NAV2: variants seen among roughly 807,000 people sequenced by gnomAD.
NAV2 encodes the protein helicase, APC down-regulated 1.
Under a neutral mutation model 223.2 loss-of-function variants are expected in NAV2, and 54 were observed. The ratio of observed to expected loss-of-function variants is 0.24; its 90% CI spans 0.19 to 0.30. The LOEUF (loss-of-function observed/expected upper bound fraction) is 0.30. NAV2 is among the 10% of genes least tolerant of loss of function. The pLI, the probability that NAV2 is intolerant of heterozygous loss-of-function variation, is 1.00. For synonymous variants in NAV2, 1,279 were observed against 1,239.3 expected, an observed-to-expected ratio of 1.03 and a Z score of -0.67; for missense variants, 2,806 against 3,147.5, an observed-to-expected ratio of 0.89 and a Z score of 2.60.
rs1043711789 is a variant in NAV2, at chr11:20,088,406, C to G, written c.5499-2459C>G. 5.9e-5 allele frequency among the ~76,000 whole-genome samples: 9 copies of G among 152,288 alleles called. No homozygotes were observed. In the East Asian group the frequency reaches 1.5e-3, roughly 26 times the overall value. ...TTCGCCGTGTTGGCCAGGCTTGTCT[C>G]GAACTCCCCACCTCAGATGATCCAC... On this transcript the variant is annotated intron_variant, in intron 26 of 37. Transcript: ENST00000349880.
chr11:19,723,606 T>G (rs571615287), intron 1 of NAV2, among the ~76,000 whole-genome samples: 1 of 152,342 alleles, frequency 6.6e-6, no homozygotes, highest in South Asian at 2.1e-4. Flanking sequence ...CTTCTGTGCC[T>G]GTGCCAGCTT....
At chr11:19,386,651 A>T (rs1814326563) in intron 1 of NAV2, among the ~76,000 whole-genome samples, 1 of 152,000 alleles carries the variant, frequency 6.6e-6, no homozygotes, top group African/African-American at 2.4e-5. Flanking sequence ...ATAGTATAAC[A>T]TCAGGAAATG....
intron 1 of NAV2, among the ~76,000 whole-genome samples, chr11:19,667,720 T>G (rs1324931201): frequency 6.6e-6 from 1 of 152,182 alleles, no homozygotes; most frequent in South Asian, 2.1e-4. Context: ...AATGTGTATT[T>G]TATAGACTTC....
intron 20 of NAV2, among the ~76,000 whole-genome samples, chr11:20,063,404 G>T (rs779824537): frequency 3.9e-5 from 6 of 151,908 alleles, no homozygotes; most frequent in African/African-American, 9.7e-5. Flanking sequence ...ACAGACTCTC[G>T]CTCTGTCGCC....
intron 1 of NAV2, among the ~76,000 whole-genome samples, chr11:19,663,796 A>G (rs1234389349): frequency 6.6e-6 from 1 of 152,226 alleles, no homozygotes; most frequent in Non-Finnish European, 1.5e-5. Context: ...CTCTGCAGAA[A>G]GAACAAAAGA....
intron 11 of NAV2, 117 bp from the exon 12 acceptor site, chr11:20,035,842 G>A (rs1053113901): frequency 1.1e-5 from 13 of 1,185,292 alleles, no homozygotes; most frequent in East Asian, 2.5e-5. Context: ...AGCTTTGTCC[G>A]GGGCTTCATG....
intron 1 of NAV2, among the ~76,000 whole-genome samples, chr11:19,447,585 A>T (rs1044572081): frequency 6.6e-6 from 1 of 152,244 alleles, no homozygotes; most frequent in African/African-American, 2.4e-5. Flanking sequence ...TCTAGCATTC[A>T]GTGAGCTGCT....
intron 8 of NAV2, 98 bp downstream of exon 8, chr11:19,939,871 A>C: frequency 1.4e-6 from 1 of 717,306 alleles, no homozygotes; most frequent in Non-Finnish European, 2.3e-6. Flanking sequence ...TACGAGTTGC[A>C]TTATGTTTGC....
chr11:20,098,927 G>T (rs543770930), intron 31 of NAV2, among the ~76,000 whole-genome samples: 8 of 152,320 alleles, frequency 5.3e-5, no homozygotes, highest in African/African-American at 1.9e-4. Flanking sequence ...TGAGCTCTTT[G>T]TACCTGGTTG....
intron 11 of NAV2, chr11:20,027,297 G>A (rs1274381137): frequency 9.2e-6 from 9 of 979,724 alleles, no homozygotes; most frequent in African/African-American, 5.4e-5. Flanking sequence ...ATCTCGTTCC[G>A]CTCGGGCCCC....
At position 20,005,064 on chromosome 11, in the gene NAV2, C is replaced by G. The variant is rs2250324; in HGVS notation, c.2768+20817C>G. Among the ~76,000 whole-genome samples the G allele has an allele frequency of 7.3e-3, 1,117 of 152,074 alleles. 13 individuals carry two copies. The highest frequency in any genetic ancestry group is 0.026 in the African/African-American group (1,059 of 41,454). On this transcript the variant is annotated intron_variant, in intron 11 of 37. Transcript: ENST00000349880. ...TTTAAGCTCCAAGGCAGAGCAGGAACGGAAGTGTCTTCTGATTCATTCTCA... is the reference window on the plus strand; with the variant it reads ...TTTAAGCTCCAAGGCAGAGCAGGAAGGGAAGTGTCTTCTGATTCATTCTCA...
At chr11:19,975,544 A>G (rs1302915860) in intron 10 of NAV2, among the ~76,000 whole-genome samples, 1 of 152,182 alleles carries the variant, frequency 6.6e-6, no homozygotes, top group East Asian at 1.9e-4. Context: ...GCATTTTGCA[A>G]AAGACACACA....
chr11:19,378,305 G>A (rs146686222), intron 1 of NAV2, among the ~76,000 whole-genome samples: 3 of 152,062 alleles, frequency 2.0e-5, no homozygotes, highest in Non-Finnish European at 2.9e-5. Flanking sequence ...ACGTCCAGTC[G>A]TCACCACCTT....
At chr11:19,801,578 G>A (rs2058259376) in intron 1 of NAV2, among the ~76,000 whole-genome samples, 1 of 152,202 alleles carries the variant, frequency 6.6e-6, no homozygotes, top group South Asian at 2.1e-4. Flanking sequence ...TATAGGGTCA[G>A]GCACATGGAC....
chr11:19,679,213 C>T (rs2048806734), intron 1 of NAV2, among the ~76,000 whole-genome samples: 1 of 152,098 alleles, frequency 6.6e-6, no homozygotes, highest in African/African-American at 2.4e-5. Context: ...GGTGGATCAC[C>T]TGACGTCAGG....
chr11:20,016,093 G>A (rs2584853), intron 11 of NAV2, among the ~76,000 whole-genome samples: 147,542 of 152,334 alleles, frequency 0.97, 71,649 homozygotes, highest in East Asian at 1. Flanking sequence ...AATGAGATGA[G>A]ATGTGTAGGC....
At chr11:19,349,520 C>T (rs949216520), upstream of NAV2, among the ~76,000 whole-genome samples, 5 of 152,140 alleles carry the variant, frequency 3.3e-5, no homozygotes, top group African/African-American at 7.2e-5. Flanking sequence ...CCGCTGCGGC[C>T]GGATCTGGCC....
intron 1 of NAV2, among the ~76,000 whole-genome samples, chr11:19,408,829 G>A (rs1386560459): frequency 3.9e-5 from 6 of 152,038 alleles, no homozygotes; most frequent in Admixed American, 2.0e-4. Context: ...CGGGGTGGGG[G>A]GATGTTAATA....
chr11:20,096,186 T>C (rs1039288896), intron 30 of NAV2, among the ~76,000 whole-genome samples: 2 of 152,260 alleles, frequency 1.3e-5, no homozygotes, highest in Non-Finnish European at 2.9e-5. Flanking sequence ...TTTCCCGGTA[T>C]CCTGTGCCAA....
Sources: allele counts gnomAD v4.1 joint callset (sites outside exome capture counted in the v4.1 genomes callset), GRCh38; gene constraint gnomAD v4.1.1; transcripts MANE v1.5; gene names NCBI Gene and HGNC (gene_info 2026-07-23, HGNC 2026-07-21).